Variants in MSLN observed in about 807,000 individuals in gnomAD.
MSLN encodes the protein CAK1 antigen.
In MSLN, 82 loss-of-function variants were observed where a neutral mutation model predicts 72.6. The ratio of observed to expected loss-of-function variants is 1.13; its 90% CI spans 0.94 to 1.36. The LOEUF (loss-of-function observed/expected upper bound fraction) is 1.36. Ranked by LOEUF, MSLN falls within the 40% of genes most tolerant of loss-of-function variation. The probability of loss-of-function intolerance (pLI) is 0.00; values close to 1 mark genes in which losing one functional copy is unlikely to be tolerated. For missense variants in MSLN, 1,005 were observed against 847.9 expected (o/e 1.19, Z -2.30); for synonymous variants, 456 against 387.3 (o/e 1.18, Z -2.08).
chr16:766,644 G>T lies in MSLN; in HGVS notation c.1231-24G>T. ...GGGATACATCTCTCCTTGCCACAAGGCTCCTCGGCGGCCCCTCCCACAGGT... is the reference window on the plus strand; with the variant it reads ...GGGATACATCTCTCCTTGCCACAAGTCTCCTCGGCGGCCCCTCCCACAGGT... On this transcript the variant is annotated intron_variant, in intron 13 of 17. Transcript: ENST00000545450. 1 of 1,612,018 alleles carries T rather than the reference G, an allele frequency of 6.2e-7. No homozygotes were observed. Among genetic ancestry groups the T allele is most frequent in the Non-Finnish European group, 8.5e-7 (1 of 1,179,820 alleles).
intron 10 of MSLN, 34 bp from the exon 11 acceptor site, chr16:765,657 C>A (rs377304623): frequency 2.3e-5 from 36 of 1,598,520 alleles, no homozygotes; most frequent in Non-Finnish European, 3.1e-5. Flanking sequence ...TGCCCGGCCA[C>A]CCGAGGCTCA....
chr16:764,978 TGCTCCCGAGGGGG>T lies in MSLN; in HGVS notation c.462_474del (p.Arg154SerfsTer20), dbSNP rs1308951383. ...CGCATCACGAAGGCCAATGTGGACCTGCTCCCGAGGGGGGCTCCCGAGCGACAGCGGCTGCTGC... is the reference window on the plus strand; with the variant it reads ...CGCATCACGAAGGCCAATGTGGACCTGCTCCCGAGCGACAGCGGCTGCTGC... On this transcript the variant is annotated frameshift_variant, in exon 8 of 18. Coordinates refer to ENST00000545450, the MANE Select transcript of MSLN (RefSeq NM_005823.6). LOFTEE classifies it high-confidence loss of function. 1 of 1,612,376 alleles carries T rather than the reference TGCTCCCGAGGGGG, an allele frequency of 6.2e-7. No individual in the cohort carries two copies. Among genetic ancestry groups the T allele is most frequent in the Non-Finnish European group, 8.5e-7 (1 of 1,179,744 alleles).
At position 766,928 on chromosome 16, in the gene MSLN, C is replaced by G. The variant is rs570432633; in HGVS notation, c.1417C>G (p.Leu473Val). ...QDLDTCDPRQ[L>V]DVLYPKARLA... ...CCTGGACACGTGTGACCCAAGGCAG[C>G]TGGACGTCCTCTATCCCAAGGCCCG... Residue 473 changes from leucine (L) to valine (V), a missense_variant, in exon 15 of 18, where the codon CTG becomes GTG. Leu to Val is a conservative substitution (Grantham distance 32). Transcript: ENST00000545450. The G allele has an allele frequency of 1.2e-6, 2 of 1,612,676 alleles. No homozygotes were observed. The highest frequency in any genetic ancestry group is 1.7e-6 in the Non-Finnish European group (2 of 1,179,886).
chr16:764,026 C>T lies in MSLN; in HGVS notation c.183C>T (p.Leu61=). The T allele has an allele frequency of 1.2e-6, 2 of 1,600,404 alleles. No homozygotes were observed. Among genetic ancestry groups the T allele is most frequent in the Non-Finnish European group, 1.7e-6 (2 of 1,179,428 alleles). Residue 61 remains leucine, a synonymous_variant, in exon 6 of 18, where the codon CTC becomes CTT. Coordinates refer to ENST00000545450, the MANE Select transcript of MSLN (RefSeq NM_005823.6). ...VLANPPNISS[L]SPRQLLGFPC... ...CCCAGCCCGACCCTTCCTGCAGCCT[C>T]TCCCCTCGCCAACTCCTTGGCTTCC... is the stretch of plus-strand genomic sequence containing the variant.
In MSLN at chr16:764,709, C is replaced by G; in HGVS notation, c.363C>G (p.Asp121Glu). The change falls in exon 7 of 18, where the codon GAC (aspartate) becomes GAG (glutamate). Residue 121 changes from aspartate (D) to glutamate (E), a missense_variant. Physicochemically the swap from Asp to Glu is conservative, Grantham distance 45. Transcript: ENST00000545450. ...AGGACCTGGACGCCCTCCCATTGGA[C>G]CTGCTGCTATTCCTCAAGTAGGCCC... ...PPEDLDALPL[D>E]LLLFLNPDAF... 1 of 1,611,916 alleles carries G rather than the reference C, an allele frequency of 6.2e-7. No individual in the cohort carries two copies. Among genetic ancestry groups the G allele is most frequent in the Non-Finnish European group, 8.5e-7 (1 of 1,179,466 alleles).
chr16:766,975 C>A lies in MSLN; in HGVS notation c.1464C>A (p.Asn488Lys), dbSNP rs199597311. Residue 488 changes from asparagine to lysine, a missense_variant, in exon 15 of 18, where the codon AAC (asparagine) becomes AAA (lysine). By Grantham distance (94) the Asn-to-Lys change is moderately conservative. Coordinates refer to ENST00000545450, the MANE Select transcript of MSLN (RefSeq NM_005823.6). ...CCCGCCTTGCTTTCCAGAACATGAACGGGTCCGAATACTTCGTGAAGATCC... is the reference window on the plus strand; with the variant it reads ...CCCGCCTTGCTTTCCAGAACATGAAAGGGTCCGAATACTTCGTGAAGATCC... ...PKARLAFQNM[N>K]GSEYFVKIQS... The A allele has an allele frequency of 1.9e-6, 3 of 1,612,664 alleles. No homozygotes were observed. Among genetic ancestry groups the A allele is most frequent in the Admixed American group, 1.7e-5 (1 of 60,012 alleles).
rs187529923 is a variant in MSLN, at chr16:768,678, G to A, written c.1814G>A (p.Gly605Glu). The A allele has an allele frequency of 4.8e-4, 773 of 1,610,978 alleles. 7 individuals are homozygous for A. In the East Asian group the frequency reaches 7.0e-3, roughly 14 times the overall value. ...CTCTCGGGGACGCCCTGCCTCCTAG[G>A]ACCTGGACCTGTTCTCACCGTCCTG... ...EALSGTPCLL[G>E]PGPVLTVLAL... Residue 605 changes from glycine to glutamate, a missense_variant, in exon 18 of 18, where the codon GGA (glycine) becomes GAA (glutamate). By Grantham distance (98) the Gly-to-Glu change is moderately conservative (BLOSUM62 -2). Coordinates refer to ENST00000545450, the MANE Select transcript of MSLN (RefSeq NM_005823.6).
chr16:765,207 T>G lies in MSLN; in HGVS notation c.608T>G (p.Val203Gly), dbSNP rs764810532. ...CGCTTTGTGGCCGAGTCGGCCGAAG[T>G]GCTGCTACCCCGGCTGGTGAGCTGC... ...PGRFVAESAEVLLPRLVSCPG... is the reference protein window; with the variant it reads ...PGRFVAESAEGLLPRLVSCPG... The change falls in exon 9 of 18, where the codon GTG becomes GGG. Residue 203 changes from valine to glycine, a missense_variant. Transcript: ENST00000545450. 3.1e-5 allele frequency: 50 copies of G among 1,590,832 alleles called. No individual in the cohort carries two copies. The highest frequency in any genetic ancestry group is 4.2e-5 in the Non-Finnish European group (49 of 1,174,544).
intron 4 of MSLN, 36 bp downstream of exon 4, chr16:763,312 C>T (rs2041560369): frequency 2.0e-6 from 3 of 1,484,600 alleles, no homozygotes; most frequent in Non-Finnish European, 2.7e-6. Context: ...GGAGGGTCTT[C>T]AGGTCCCAGG....
chr16:762,807 AG>A, intron 3 of MSLN, 42 bp downstream of exon 3: 2 of 1,488,228 alleles, frequency 1.3e-6, no homozygotes, highest in Non-Finnish European at 1.8e-6. Context: ...GGGACGGCCC[AG>A]GGGCCTTGGG....
intron 6 of MSLN, among the ~76,000 whole-genome samples, 184 bp from the exon 7 acceptor site, chr16:764,463 G>A (rs527337605): frequency 1.2e-4 from 19 of 152,300 alleles, no homozygotes; most frequent in African/African-American, 4.6e-4. Flanking sequence ...GGGAAGGGGA[G>A]CGGAGCCAGG....
chr16:763,656 G>A lies in MSLN; in HGVS notation c.144G>A (p.Leu48=). ...TGTGTCCCCAGGAGGCTGCGCCCCT[G>A]GACGGAGTCCTGGCCAACCCACCTA... The part of the protein sequence containing the change: ...AGETGQEAAP[L]DGVLANPPNI... Residue 48 remains leucine, a synonymous_variant, in exon 5 of 18, where the codon CTG becomes CTA. Transcript: ENST00000545450. 1 of 1,597,326 alleles carries A rather than the reference G, an allele frequency of 6.3e-7. No homozygotes were observed. Among genetic ancestry groups the A allele is most frequent in the Non-Finnish European group, 8.5e-7 (1 of 1,171,154 alleles).
At position 764,510 on chromosome 16, in the gene MSLN, C is replaced by T. The variant is rs970743359; in HGVS notation, c.301-137C>T. On this transcript the variant is annotated intron_variant, in intron 6 of 17. Transcript: ENST00000545450. Reference sequence around the variant, plus strand: ...CCATCCCCCAGGGCAGCGCTGCAGGCGGCCAGAGATCCACTTCCACAGATT... The same window carrying T: ...CCATCCCCCAGGGCAGCGCTGCAGGTGGCCAGAGATCCACTTCCACAGATT... 57 of 830,724 alleles carry T rather than the reference C, an allele frequency of 6.9e-5. 1 individual carries two copies. Among genetic ancestry groups the T allele is most frequent in the Admixed American group, 4.5e-4 (26 of 57,782 alleles). The allele number at this position is 830,724 out of a possible 1,614,324, so 51.5% of individuals were successfully genotyped here.
intron 1 of MSLN, 94 bp downstream of exon 1, chr16:760,915 C>G (rs942738743): frequency 6.6e-6 from 1 of 152,310 alleles, no homozygotes; most frequent in African/African-American, 2.4e-5. Flanking sequence ...CTGGGGGCTG[C>G]CCGGGCGTTA....
Position 768,401 on chromosome 16 carries a change from A to G in MSLN, c.1619A>G (p.Gln540Arg). Reference sequence around the variant, plus strand: ...CAGCCGTTGACTGTGGCTGAGGTGCAGAAACTTCTGGGACCCCACGTGGAG... The same window carrying G: ...CAGCCGTTGACTGTGGCTGAGGTGCGGAAACTTCTGGGACCCCACGTGGAG... ...AVLPLTVAEV[Q>R]KLLGPHVEGL... is the part of the protein sequence containing the mutation. The change falls in exon 17 of 18, where the codon CAG becomes CGG. Residue 540 changes from glutamine (Q) to arginine (R), a missense_variant. Coordinates refer to ENST00000545450, the MANE Select transcript of MSLN (RefSeq NM_005823.6). 2.7e-6 allele frequency: 4 copies of G among 1,509,164 alleles called. No homozygotes were observed. In the East Asian group the frequency reaches 9.1e-5, roughly 34 times the overall value. The allele number at this position is 1,509,164 out of a possible 1,614,324, so 93.5% of individuals were successfully genotyped here.
At chr16:764,522 C>T (rs1021200669) in intron 6 of MSLN, 125 bp from the exon 7 acceptor site, 3 of 888,208 alleles carry the variant, frequency 3.4e-6, no homozygotes, top group East Asian at 4.8e-5. Flanking sequence ...GCCAGAGATC[C>T]ACTTCCACAG....
intron 5 of MSLN, 127 bp from the exon 6 acceptor site, chr16:763,896 T>G (rs569052326): frequency 9.4e-5 from 119 of 1,272,096 alleles, no homozygotes; most frequent in Non-Finnish European, 8.7e-5. Flanking sequence ...CACCTGGTCT[T>G]GGGGGGAGGT....
rs542719624 is a variant in MSLN, at chr16:761,056, C to T, written c.-111-17C>T. 2 of 152,452 alleles carry T rather than the reference C, an allele frequency of 1.3e-5. No individual in the cohort carries two copies. Among genetic ancestry groups the T allele is most frequent in the Admixed American group, 6.5e-5 (1 of 15,312 alleles). The allele number at this position is 152,452 out of a possible 1,614,324, so 9.4% of individuals were successfully genotyped here. On this transcript the variant is annotated splice_polypyrimidine_tract_variant and intron_variant, in intron 1 of 17. Transcript: ENST00000545450. ...CGATCTGAAAGGGGCTGTCCTGTTC[C>T]TCATGGGCGCTGCCAGCGCCACGCA...
At chr16:760,930 T>A (rs1429110604) in intron 1 of MSLN, 109 bp downstream of exon 1, 1 of 151,960 alleles carries the variant, frequency 6.6e-6, no homozygotes, top group Non-Finnish European at 1.5e-5. Flanking sequence ...GCGTTAGGGG[T>A]AAAGCTCCCT....
Sources: gnomAD v4.1 joint callset for allele counts (sites outside exome capture counted in the v4.1 genomes callset) on GRCh38, gnomAD v4.1.1 for gene constraint, MANE v1.5 for transcripts, NCBI Gene and HGNC (gene_info 2026-07-23, HGNC 2026-07-21) for gene names.